ZBTB20: variants seen among roughly 807,000 people sequenced by gnomAD.
ZBTB20 encodes zinc finger and BTB domain containing 20, also known as zinc finger and BTB domain-containing protein 20.
Under a neutral mutation model 56.9 loss-of-function variants are expected in ZBTB20, and 9 were observed. The observed-to-expected ratio is 0.16, with a 90% confidence interval of 0.10 to 0.28. ZBTB20 has a LOEUF of 0.28. Among genes scored for constraint, ZBTB20 ranks in the 10% least tolerant of loss-of-function variants. The probability of loss-of-function intolerance (pLI) is 1.00; values close to 1 mark genes in which losing one functional copy is unlikely to be tolerated. For synonymous variants in ZBTB20, 417 were observed against 420.7 expected (o/e 0.99, Z 0.11); for missense variants, 655 against 1,003.0 (o/e 0.65, Z 4.69).
chr3:115,086,077 C>T (rs1264449936), intron 1 of ZBTB20, among the ~76,000 whole-genome samples: 2 of 151,838 alleles, frequency 1.3e-5, no homozygotes, highest in East Asian at 1.9e-4. Flanking sequence ...TTTGGTAGGG[C>T]ATTTTAATTA....
In ZBTB20 at chr3:114,939,525, G is replaced by T. The variant is rs1425798656; in HGVS notation, c.-456+34841C>A. On this transcript the variant is annotated intron_variant, in intron 3 of 11. Coordinates refer to ENST00000675478, the MANE Select transcript of ZBTB20 (RefSeq NM_001348800.3). The stretch of plus-strand genomic sequence containing the variant: ...TAATAGGAAGTTTTTTTGCATTTTT[G>T]AATTTTCCAAATTTTCTTTATTAAA... Among the ~76,000 whole-genome samples the T allele has an allele frequency of 1.4e-5, 2 of 146,022 alleles. 1 individual carries two copies. The highest frequency in any genetic ancestry group is 5.6e-5 in the African/African-American group (2 of 35,860).
chr3:114,908,612 C>T (rs570429321), intron 3 of ZBTB20, among the ~76,000 whole-genome samples: 4 of 151,788 alleles, frequency 2.6e-5, no homozygotes, highest in African/African-American at 9.7e-5. Flanking sequence ...ATATCAAATC[C>T]GAAGAAAGGT....
At chr3:114,668,765 T>A (rs938726209) in intron 6 of ZBTB20, among the ~76,000 whole-genome samples, 3 of 151,942 alleles carry the variant, frequency 2.0e-5, no homozygotes, top group African/African-American at 7.2e-5. Context: ...GACCAATAAA[T>A]AAATAAAAAG....
intron 2 of ZBTB20, among the ~76,000 whole-genome samples, chr3:115,068,966 G>A (rs1213898519): frequency 6.6e-6 from 1 of 151,930 alleles, no homozygotes; most frequent in African/African-American, 2.4e-5. Flanking sequence ...CAAACCAAGA[G>A]GAAACTTTCA....
At chr3:114,558,023 C>G (rs1306330388) in intron 6 of ZBTB20, among the ~76,000 whole-genome samples, 1 of 151,978 alleles carries the variant, frequency 6.6e-6, no homozygotes, top group Non-Finnish European at 1.5e-5. Context: ...TCTTTTAATT[C>G]TATTGGGAAA....
At chr3:114,751,158 A>G (rs971992529) in intron 5 of ZBTB20, among the ~76,000 whole-genome samples, 2 of 152,194 alleles carry the variant, frequency 1.3e-5, no homozygotes, top group African/African-American at 4.8e-5. Context: ...TATGTGTTAT[A>G]TATTAATGAG....
At chr3:114,669,251 C>A (rs549032641) in intron 6 of ZBTB20, among the ~76,000 whole-genome samples, 1 of 152,186 alleles carries the variant, frequency 6.6e-6, no homozygotes, top group East Asian at 1.9e-4. Flanking sequence ...TATCATAGTG[C>A]CACTGTTGAA....
chr3:115,053,912 T>G (rs900715359), intron 2 of ZBTB20, among the ~76,000 whole-genome samples: 4 of 152,146 alleles, frequency 2.6e-5, no homozygotes, highest in Non-Finnish European at 2.9e-5. Context: ...GTGGTTGGTT[T>G]ATCATTATAT....
At chr3:115,088,197 A>C (rs763377088) in intron 1 of ZBTB20, among the ~76,000 whole-genome samples, 7 of 151,932 alleles carry the variant, frequency 4.6e-5, no homozygotes, top group African/African-American at 7.2e-5. Flanking sequence ...GACGTTCTAC[A>C]AAATCATGTT....
chr3:114,538,835 A>C (rs1310561887), intron 6 of ZBTB20, among the ~76,000 whole-genome samples: 1 of 152,178 alleles, frequency 6.6e-6, no homozygotes, highest in African/African-American at 2.4e-5. Flanking sequence ...ATGTGTATTA[A>C]AAAATCTCAA....
intron 3 of ZBTB20, among the ~76,000 whole-genome samples, chr3:114,963,606 A>G (rs1482500468): frequency 6.6e-6 from 1 of 152,210 alleles, no homozygotes; most frequent in Non-Finnish European, 1.5e-5. Context: ...TACATATTAA[A>G]AAATGTTTCA....
At chr3:115,142,099 T>C (rs2084826879) in intron 1 of ZBTB20, among the ~76,000 whole-genome samples, 6 of 152,236 alleles carry the variant, frequency 3.9e-5, no homozygotes, top group Admixed American at 3.3e-4. Context: ...AGCTTGTGTT[T>C]CTATGCTATC....
At chr3:114,992,561 T>C (rs551558880) in intron 2 of ZBTB20, among the ~76,000 whole-genome samples, 12 of 151,936 alleles carry the variant, frequency 7.9e-5, no homozygotes, top group Non-Finnish European at 1.6e-4. Flanking sequence ...GGCTGAACTC[T>C]TGGTGTCCCC....
chr3:114,360,048 T>G (rs893422778), intron 10 of ZBTB20, among the ~76,000 whole-genome samples: 1 of 152,098 alleles, frequency 6.6e-6, no homozygotes, highest in African/African-American at 2.4e-5. Context: ...TTTTTTGACT[T>G]TGGGAAAACT....
Position 114,338,997 on chromosome 3 carries a change from G to C in ZBTB20, c.*8C>G. 6.7e-7 allele frequency: 1 copy of C among 1,499,220 alleles called. No individual in the cohort carries two copies. The highest frequency in any genetic ancestry group is 8.9e-7 in the Non-Finnish European group (1 of 1,121,890). 92.9% of individuals were successfully genotyped at this position (1,499,220 alleles called of 1,614,324 possible). A position where few individuals can be genotyped will look rare whatever the true frequency, so the allele number is the denominator to read the frequency against. ...GTTTTGTTCATAAGAAAGAGAGAAA[G>C]ATACTACTTATCCGTCAGACACATG... On this transcript the variant is annotated 3_prime_UTR_variant, in exon 12 of 12. Transcript: ENST00000675478.
intron 6 of ZBTB20, among the ~76,000 whole-genome samples, chr3:114,586,891 A>G (rs1024217383): frequency 6.6e-6 from 1 of 152,112 alleles, no homozygotes; most frequent in African/African-American, 2.4e-5. Context: ...ACTCAAGAAC[A>G]AGAATGATAC....
At chr3:114,458,377 T>C (rs2092146918) in intron 7 of ZBTB20, among the ~76,000 whole-genome samples, 1 of 152,202 alleles carries the variant, frequency 6.6e-6, no homozygotes, top group Non-Finnish European at 1.5e-5. Context: ...ATGATCAGTG[T>C]ATAGTAGCTA....
chr3:114,807,747 A>G (rs956463018), intron 4 of ZBTB20, among the ~76,000 whole-genome samples: 1 of 152,112 alleles, frequency 6.6e-6, no homozygotes, highest in African/African-American at 2.4e-5. Context: ...ATCTATTGAA[A>G]TGGTCATGTG....
intron 5 of ZBTB20, among the ~76,000 whole-genome samples, chr3:114,732,704 G>C (rs2065848599): frequency 6.6e-6 from 1 of 152,150 alleles, no homozygotes; most frequent in Admixed American, 6.6e-5. Flanking sequence ...GACTTTCTCT[G>C]AGGCATGCAC....
Sources: gnomAD v4.1 joint callset for allele counts (sites outside exome capture counted in the v4.1 genomes callset) on GRCh38, gnomAD v4.1.1 for gene constraint, MANE v1.5 for transcripts, NCBI Gene and HGNC (gene_info 2026-07-23, HGNC 2026-07-21) for gene names.